The following GDPD4 variants were observed in gnomAD, a reference collection of about 807,000 sequenced individuals.
GDPD4 encodes glycerophosphodiester phosphodiesterase 6.
A neutral mutation model predicts 67.8 loss-of-function variants in GDPD4; 60 were observed. The observed-to-expected ratio is 0.88, with a 90% CI of 0.72 to 1.10. GDPD4 has a LOEUF of 1.10. GDPD4 is among the 50% of genes least tolerant of loss of function. The pLI, the probability that GDPD4 is intolerant of heterozygous loss-of-function variation, is 0.00. For missense variants in GDPD4, 623 were observed against 613.9 expected, an observed-to-expected ratio of 1.01 and a Z score of -0.16; for synonymous variants, 212 against 210.9, an observed-to-expected ratio of 1.00 and a Z score of -0.04.
rs1018298816 is a variant in GDPD4 at position 77,301,671 on chromosome 11, G to A, written c.-320C>T. On this transcript the variant is annotated 5_prime_UTR_variant, in exon 1 of 17. Transcript: ENST00000315938. ...GAGGAGACCAGCGTCTCTTAAGATG[G>A]ACGCCTGGCTGGAAGGGCAGCCCGA... is the stretch of plus-strand genomic sequence containing the variant. The A allele has an allele frequency of 2.0e-5, 3 of 152,260 alleles. No individual in the cohort carries two copies. Among genetic ancestry groups the A allele is most frequent in the Non-Finnish European group, 4.4e-5 (3 of 68,152 alleles). 9.4% of individuals were successfully genotyped at this position (152,260 alleles called of 1,614,324 possible).
At chr11:77,256,101 C>A (rs1045463016) in intron 11 of GDPD4, among the ~76,000 whole-genome samples, 3 of 152,280 alleles carry the variant, frequency 2.0e-5, no homozygotes, top group South Asian at 2.1e-4. Flanking sequence ...AATTAAAATT[C>A]ATCAACTCTA....
rs1565512531 is a variant in GDPD4 at position 77,235,023 on chromosome 11, T to TTTGTTTTG, written c.1242-1852_1242-1851insCAAAACAA. On this transcript the variant is annotated intron_variant, in intron 13 of 16. Coordinates refer to ENST00000315938, the MANE Select transcript of GDPD4 (RefSeq NM_182833.3). ...TGTCAATATCTGTTTTTTTTTTTTTTTTTTTTTTTTTTTTGACTTTTTAGT... is the reference window on the plus strand; with the variant it reads ...TGTCAATATCTGTTTTTTTTTTTTTTTTGTTTTGTTTTTTTTTTTTTTGACTTTTTAGT... Among the ~76,000 whole-genome samples, 31 of 140,960 alleles carry TTTGTTTTG rather than the reference T, an allele frequency of 2.2e-4. 1 individual carries two copies. The highest frequency in any genetic ancestry group is 8.1e-4 in the African/African-American group (31 of 38,492). The allele number at this position is 140,960 out of a possible 152,430, so 92.5% of individuals were successfully genotyped here. A position where few individuals can be genotyped will look rare whatever the true frequency, so the allele number is the denominator to read the frequency against.
At chr11:77,281,771 T>G in intron 3 of GDPD4, among the ~76,000 whole-genome samples, 1 of 152,114 alleles carries the variant, frequency 6.6e-6, no homozygotes, top group East Asian at 1.9e-4. Context: ...TTGTGACTTG[T>G]GGGGGAAGGA....
At chr11:77,244,408 C>G (rs1251854225) in intron 12 of GDPD4, among the ~76,000 whole-genome samples, 1 of 152,136 alleles carries the variant, frequency 6.6e-6, no homozygotes, top group Non-Finnish European at 1.5e-5. Flanking sequence ...TTTCTCATGA[C>G]CTCTCCATTT....
chr11:77,243,627 T>C, intron 13 of GDPD4, 67 bp downstream of exon 13: 2 of 1,322,772 alleles, frequency 1.5e-6, no homozygotes, highest in Admixed American at 3.6e-5. Context: ...TTAAGAAGTT[T>C]AATTAGAATG....
intron 14 of GDPD4, among the ~76,000 whole-genome samples, chr11:77,230,005 G>A (rs1189803141): frequency 2.0e-5 from 3 of 152,054 alleles, no homozygotes; most frequent in Admixed American, 1.3e-4. Context: ...GTCTTTCCTT[G>A]AGCTGAATAA....
intron 16 of GDPD4, among the ~76,000 whole-genome samples, chr11:77,222,534 T>C (rs1034406894): frequency 6.6e-6 from 1 of 150,964 alleles, no homozygotes; most frequent in Non-Finnish European, 1.5e-5. Context: ...TCTTTTCTTT[T>C]CTTTAAGAAT....
At chr11:77,278,248 G>A (rs1959584611) in intron 4 of GDPD4, among the ~76,000 whole-genome samples, 1 of 152,104 alleles carries the variant, frequency 6.6e-6, no homozygotes, top group African/African-American at 2.4e-5. Context: ...GAGCCACAGT[G>A]CCTGGCCCCC....
intron 1 of GDPD4, among the ~76,000 whole-genome samples, chr11:77,291,793 G>C (rs1417334444): frequency 6.6e-6 from 1 of 152,106 alleles, no homozygotes; most frequent in Non-Finnish European, 1.5e-5. Flanking sequence ...CACTTTGTGG[G>C]GCCAAGGCAG....
chr11:77,259,968 A>G (rs1959079713), intron 10 of GDPD4, among the ~76,000 whole-genome samples: 2 of 152,158 alleles, frequency 1.3e-5, no homozygotes, highest in African/African-American at 2.4e-5. Flanking sequence ...GCGAGAGAGG[A>G]GAGTCTTCAG....
chr11:77,235,344 T>C (rs1958541220), intron 13 of GDPD4, among the ~76,000 whole-genome samples: 1 of 152,044 alleles, frequency 6.6e-6, no homozygotes. Flanking sequence ...AAGATTCATA[T>C]GGAAAAGCAC....
Position 77,255,509 on chromosome 11 carries a change from T to G in GDPD4, c.864+2877A>C, listed in dbSNP as rs1053166978. ...AACTCAGGAGGCGGAGGCTTCAGTG[T>G]GCCGAGATCATGCCACTGCACTCCA... On this transcript the variant is annotated intron_variant, in intron 11 of 16. Coordinates refer to ENST00000315938, the MANE Select transcript of GDPD4 (RefSeq NM_182833.3). 1.8e-4 allele frequency among the ~76,000 whole-genome samples: 27 copies of G among 151,820 alleles called. 1 individual carries two copies.
chr11:77,219,723 GT>G (rs1958191131), intron 16 of GDPD4, among the ~76,000 whole-genome samples: 1 of 143,010 alleles, frequency 7.0e-6, no homozygotes, highest in African/African-American at 2.6e-5. Flanking sequence ...GCTCTGTTCT[GT>G]TCCATTGGTC....
intron 1 of GDPD4, among the ~76,000 whole-genome samples, chr11:77,296,614 C>T (rs1304315562): frequency 1.3e-5 from 2 of 151,678 alleles, no homozygotes; most frequent in Non-Finnish European, 2.9e-5. Flanking sequence ...AGCTACTGCA[C>T]CCGGCCAGAT....
chr11:77,277,569 A>AT (rs928379489), intron 4 of GDPD4, among the ~76,000 whole-genome samples: 16 of 149,610 alleles, frequency 1.1e-4, no homozygotes, highest in Admixed American at 6.0e-4. Flanking sequence ...CGCCTGGCTA[A>AT]TTTTTTTTTA....
At position 77,236,725 on chromosome 11, in the gene GDPD4, AGG is replaced by A. The variant is rs1958575290; in HGVS notation, c.1242-3555_1242-3554del. On this transcript the variant is annotated intron_variant, in intron 13 of 16. Transcript: ENST00000315938. The stretch of plus-strand genomic sequence containing the variant: ...AATAAAAGAGTTTCAAAATACAAGA[AGG>A]AAACACACACACACACACACACACA... Among the ~76,000 whole-genome samples, 11 of 145,254 alleles carry A rather than the reference AGG, an allele frequency of 7.6e-5. No individual in the cohort carries two copies. In the South Asian group the frequency reaches 2.3e-3, roughly 31 times the overall value.
chr11:77,298,510 T>TA (rs1938054253), intron 1 of GDPD4, among the ~76,000 whole-genome samples: 2 of 151,936 alleles, frequency 1.3e-5, no homozygotes, highest in Admixed American at 1.3e-4. Context: ...AAAATTTTTT[T>TA]TAAAAACATT....
intron 1 of GDPD4, 42 bp from the exon 2 acceptor site, chr11:77,287,462 C>T (rs992099042): frequency 3.3e-5 from 5 of 152,130 alleles, no homozygotes; most frequent in African/African-American, 1.2e-4. Flanking sequence ...GTGTCGCTCC[C>T]CTTAATGTAC....
At chr11:77,268,308 C>A in intron 10 of GDPD4, 149 bp downstream of exon 10, 1 of 619,586 alleles carries the variant, frequency 1.6e-6, no homozygotes, top group Non-Finnish European at 2.9e-6. Flanking sequence ...AGATGTGGTT[C>A]ATTTGTGTAG....
Sources: allele counts gnomAD v4.1 joint callset (sites outside exome capture counted in the v4.1 genomes callset), GRCh38; gene constraint gnomAD v4.1.1; transcripts MANE v1.5; gene names NCBI Gene and HGNC (gene_info 2026-07-23, HGNC 2026-07-21).